ATP2B3: variants seen among roughly 807,000 people sequenced by gnomAD.
ATP2B3 encodes ATPase plasma membrane Ca2+ transporting 3, also known as plasma membrane calcium-transporting ATPase 3.
ATP2B3 carries 12 observed loss-of-function variants against 70.8 expected under a neutral mutation model. The observed-to-expected ratio is 0.17, with a 90% CI of 0.11 to 0.27. ATP2B3 has a LOEUF of 0.27. Ranked by LOEUF, ATP2B3 falls within the 10% of genes least tolerant of loss-of-function variation. The pLI is 1.00. For missense variants in ATP2B3, 858 were observed against 1,118.5 expected, an observed-to-expected ratio of 0.77 and a Z score of 3.32; for synonymous variants, 460 against 497.8, an observed-to-expected ratio of 0.92 and a Z score of 1.01.
chrX:153,550,305 G>C lies in ATP2B3; in HGVS notation c.1823+19G>C, dbSNP rs782622654. The C allele has an allele frequency of 8.3e-7, 1 of 1,207,823 alleles. No homozygotes were observed. The highest frequency in any genetic ancestry group is 1.1e-6 in the Non-Finnish European group (1 of 892,887). Reference sequence around the variant, plus strand: ...TGAAAAAGTGAGTGAGCAGCAGGGAGGTGCCGGGGTACGCACGGAGTTTCT... The same window carrying C: ...TGAAAAAGTGAGTGAGCAGCAGGGACGTGCCGGGGTACGCACGGAGTTTCT... On this transcript the variant is annotated intron_variant, in intron 12 of 21. Coordinates refer to ENST00000263519, the MANE Select transcript of ATP2B3 (RefSeq NM_001001344.3).
intron 20 of ATP2B3, 47 bp downstream of exon 20, chrX:153,562,289 T>C: frequency 9.0e-7 from 1 of 1,116,444 alleles, no homozygotes; most frequent in East Asian, 3.0e-5. Context: ...TGCAGACAGC[T>C]TCTGTGATGG....
intron 13 of ATP2B3, among the ~76,000 whole-genome samples, chrX:153,555,118 T>G (rs73245900): frequency 0.065 from 7,262 of 111,150 alleles, 234 homozygotes; most frequent in African/African-American, 0.12. Flanking sequence ...AGGCTGGCAG[T>G]GAGGCCACTT....
At chrX:153,533,957 G>A (rs1023724398) in intron 2 of ATP2B3, among the ~76,000 whole-genome samples, 10 of 112,017 alleles carry the variant, frequency 8.9e-5, no homozygotes, top group Admixed American at 5.6e-4. Context: ...CTCGGTGACC[G>A]TGCCACGAGG....
Sources: allele counts gnomAD v4.1 joint callset (sites outside exome capture counted in the v4.1 genomes callset), GRCh38; gene constraint gnomAD v4.1.1; transcripts MANE v1.5; gene names NCBI Gene and HGNC (gene_info 2026-07-23, HGNC 2026-07-21).